Variants in CDH26 observed in about 807,000 individuals in gnomAD.
CDH26 encodes cadherin-like protein 26.
Under a neutral mutation model 90.3 loss-of-function variants are expected in CDH26, and 83 were observed. The ratio of observed to expected loss-of-function variants is 0.92; its 90% confidence interval spans 0.77 to 1.10. The LOEUF is 1.10. Among genes scored for constraint, CDH26 ranks in the 50% least tolerant of loss-of-function variants. CDH26 has a pLI of 0.00. For missense variants in CDH26, 1,013 were observed against 1,037.6 expected (o/e 0.98, Z 0.33); for synonymous variants, 397 against 396.3 (o/e 1.00, Z -0.02).
chr20:59,990,744 C>T (rs536343243), intron 9 of CDH26, among the ~76,000 whole-genome samples: 1 of 152,274 alleles, frequency 6.6e-6, no homozygotes, highest in East Asian at 1.9e-4. Context: ...TTCTGGTGCA[C>T]AGTGGTGCAC....
chr20:59,996,916 T>G (rs1338401067), intron 13 of CDH26, among the ~76,000 whole-genome samples, 155 bp downstream of exon 13: 1 of 152,240 alleles, frequency 6.6e-6, no homozygotes, highest in African/African-American at 2.4e-5. Context: ...AAATACTATC[T>G]AACTCAGATA....
At chr20:59,965,293 G>C (rs1300204730) in intron 1 of CDH26, among the ~76,000 whole-genome samples, 1 of 152,106 alleles carries the variant, frequency 6.6e-6, no homozygotes. Flanking sequence ...TGACGCGGAC[G>C]AGCCAACCAG....
At position 59,988,931 on chromosome 20, in the gene CDH26, C is replaced by T; in HGVS notation, c.1051C>T (p.Gln351Ter). 6.2e-7 allele frequency: 1 copy of T among 1,614,142 alleles called. No individual in the cohort carries two copies. Among genetic ancestry groups the T allele is most frequent in the Admixed American group, 1.7e-5 (1 of 60,024 alleles). Residue 351 changes from glutamine to a stop codon, truncating the protein, a stop_gained, in exon 9 of 18, where the codon CAA becomes TAA. Coordinates refer to ENST00000348616, the MANE Select transcript of CDH26 (RefSeq NM_177980.4). LOFTEE classifies it high-confidence loss of function. ...TTTGGATTATGAGACTCGCCCAGCG[C>T]AAAGCCTCATCATTGTCGTGGAGAA... ...KPLDYETRPA[Q>*]SLIIVVENEE...
At chr20:59,987,781 G>C in intron 8 of CDH26, 143 bp downstream of exon 8, 1 of 604,776 alleles carries the variant, frequency 1.7e-6, no homozygotes, top group Middle Eastern at 3.5e-4. Flanking sequence ...CACCAGGCAA[G>C]GAAGGCAGGG....
At chr20:59,966,033 T>C (rs1053025425) in intron 1 of CDH26, among the ~76,000 whole-genome samples, 1 of 152,138 alleles carries the variant, frequency 6.6e-6, no homozygotes, top group East Asian at 1.9e-4. Flanking sequence ...CATGCTTATA[T>C]TGGCAGACAC....
At position 59,995,833 on chromosome 20, in the gene CDH26, G is replaced by A; in HGVS notation, c.1667G>A (p.Gly556Asp). The change falls in exon 12 of 18, where the codon GGT becomes GAT. Residue 556 changes from glycine (G) to aspartate (D), a missense_variant and splice_region_variant. By Grantham distance (94) the Gly-to-Asp change is moderately conservative. Transcript: ENST00000348616. The part of the protein sequence containing the change: ...EDTWKLGRNW[G>D]QSVELLTLRS... ...TGCCATGTTCTTTTTCCCTTTGCAGGTCAATCAGTTGAACTTTTAACCTTG... is the reference window on the plus strand; with the variant it reads ...TGCCATGTTCTTTTTCCCTTTGCAGATCAATCAGTTGAACTTTTAACCTTG... The A allele has an allele frequency of 6.2e-7, 1 of 1,613,912 alleles. No individual in the cohort carries two copies. Among genetic ancestry groups the A allele is most frequent in the Non-Finnish European group, 8.5e-7 (1 of 1,179,788 alleles).
chr20:59,960,213 G>A (rs1490943827), intron 1 of CDH26, among the ~76,000 whole-genome samples: 1 of 152,196 alleles, frequency 6.6e-6, no homozygotes, highest in Non-Finnish European at 1.5e-5. Context: ...ACCTGGGAGT[G>A]CACTGGGTGT....
intron 7 of CDH26, among the ~76,000 whole-genome samples, chr20:60,021,010 C>T (rs183784303): frequency 4.6e-5 from 7 of 152,304 alleles, no homozygotes; most frequent in Admixed American, 3.3e-4. Context: ...CTACACTGCC[C>T]TCCTGGGCTT....
intron 4 of CDH26, among the ~76,000 whole-genome samples, chr20:59,977,053 C>T (rs2145979435): frequency 6.6e-6 from 1 of 152,174 alleles, no homozygotes; most frequent in South Asian, 2.1e-4. Flanking sequence ...TACTCTACTT[C>T]CAAGCTGAAG....
chr20:59,995,711 A>G, intron 11 of CDH26, 122 bp from the exon 12 acceptor site: 1 of 814,626 alleles, frequency 1.2e-6, no homozygotes, highest in African/African-American at 1.7e-5. Flanking sequence ...CCCTCCCTCT[A>G]ACTCTGCAGT....
At chr20:59,977,880 TAGTTTC>T (rs1326045940) in intron 4 of CDH26, among the ~76,000 whole-genome samples, 1 of 152,190 alleles carries the variant, frequency 6.6e-6, no homozygotes, top group Non-Finnish European at 1.5e-5. Flanking sequence ...TCGTATAGAA[TAGTTTC>T]ACTGCTCTAA....
At chr20:60,023,354 G>A (rs944277436) in intron 7 of CDH26, among the ~76,000 whole-genome samples, 2 of 152,304 alleles carry the variant, frequency 1.3e-5, no homozygotes, top group Admixed American at 1.3e-4. Flanking sequence ...CAAGAGAAGT[G>A]AGCTACAAGT....
chr20:59,975,355 G>A (rs1240784494), intron 4 of CDH26, among the ~76,000 whole-genome samples: 1 of 152,174 alleles, frequency 6.6e-6, no homozygotes, highest in Non-Finnish European at 1.5e-5. Context: ...AAGGAACACT[G>A]AGGTTTGCTA....
intron 4 of CDH26, among the ~76,000 whole-genome samples, chr20:59,977,280 T>C (rs1186809940): frequency 9.2e-5 from 14 of 152,090 alleles, no homozygotes; most frequent in Non-Finnish European, 1.8e-4. Context: ...CCCTTGAGAA[T>C]CCAGTGGTCT....
intron 7 of CDH26, among the ~76,000 whole-genome samples, chr20:59,986,685 G>A (rs941945343): frequency 3.3e-5 from 5 of 149,486 alleles, no homozygotes; most frequent in Non-Finnish European, 5.9e-5. Flanking sequence ...CATCAAGGAC[G>A]GAATTTTTGC....
chr20:59,992,831 G>A lies in CDH26; in HGVS notation c.1426+311G>A, dbSNP rs1296044968. Among the ~76,000 whole-genome samples the A allele has an allele frequency of 6.6e-6, 1 of 152,164 alleles. No individual in the cohort carries two copies. Among genetic ancestry groups the A allele is most frequent in the Non-Finnish European group, 1.5e-5 (1 of 68,038 alleles). On this transcript the variant is annotated intron_variant, in intron 10 of 17. Coordinates refer to ENST00000348616, the MANE Select transcript of CDH26 (RefSeq NM_177980.4). The surrounding 1 kb of genome is among the most constrained non-coding windows in gnomAD (Gnocchi z 5.0). ...TTAGCTCTTTGTCAAAGCCAATGAT[G>A]TGTGATAAATATTTAGCACAGCTTC...
At chr20:59,977,337 G>A (rs1426559450) in intron 4 of CDH26, among the ~76,000 whole-genome samples, 4 of 152,230 alleles carry the variant, frequency 2.6e-5, no homozygotes, top group Middle Eastern at 6.8e-3. Context: ...GCCAGGATCC[G>A]TGCCCTTTCC....
chr20:60,014,970 T>G (rs2061892910), downstream of CDH26, among the ~76,000 whole-genome samples: 1 of 152,200 alleles, frequency 6.6e-6, no homozygotes, highest in African/African-American at 2.4e-5. Flanking sequence ...TGCTTTCTTT[T>G]CTTTATTTAA....
intron 17 of CDH26, among the ~76,000 whole-genome samples, chr20:60,009,544 G>A (rs898537827): frequency 3.3e-5 from 5 of 152,106 alleles, no homozygotes; most frequent in African/African-American, 7.2e-5. Context: ...TTCCAGCCGC[G>A]GGCCCCCCTC....
Sources: gnomAD v4.1 joint callset for allele counts (sites outside exome capture counted in the v4.1 genomes callset) on GRCh38, gnomAD v4.1.1 for gene constraint, Gnocchi (gnomAD v3.1) non-coding constraint, MANE v1.5 for transcripts, NCBI Gene and HGNC (gene_info 2026-07-23, HGNC 2026-07-21) for gene names.